Variants in SP140 observed in about 807,000 individuals in gnomAD.
SP140 encodes SP140 nuclear body protein.
SP140 carries 81 observed loss-of-function variants against 125.0 expected under a neutral mutation model. The observed-to-expected ratio is 0.65, with a 90% CI of 0.54 to 0.78. The LOEUF (loss-of-function observed/expected upper bound fraction) is 0.78. Ranked by LOEUF, SP140 falls within the 30% of genes least tolerant of loss-of-function variation. The pLI, the probability that SP140 is intolerant of heterozygous loss-of-function variation, is 0.00. For synonymous variants in SP140, 312 were observed against 354.0 expected, an observed-to-expected ratio of 0.88 and a Z score of 1.33; for missense variants, 858 against 1,037.0, an observed-to-expected ratio of 0.83 and a Z score of 2.37.
intron 12 of SP140, among the ~76,000 whole-genome samples, chr2:230,267,898 G>A (rs2149337873): frequency 6.6e-6 from 1 of 152,166 alleles, no homozygotes; most frequent in East Asian, 1.9e-4. Context: ...TTTTGATGAG[G>A]GACCCAAGAA....
intron 21 of SP140, among the ~76,000 whole-genome samples, chr2:230,296,691 G>A (rs2057767400): frequency 6.6e-6 from 1 of 152,188 alleles, no homozygotes; most frequent in African/African-American, 2.4e-5. Context: ...AGGACTCTGA[G>A]TCCTGTGGTC....
intron 16 of SP140, 117 bp from the exon 17 acceptor site, chr2:230,285,635 C>A: frequency 2.5e-6 from 2 of 798,572 alleles, no homozygotes; most frequent in Non-Finnish European, 2.1e-6. Flanking sequence ...ATGCTCTGGA[C>A]ACCTGCTCGA....
chr2:230,205,325 T>A (rs574187863), intron 1 of SP140, among the ~76,000 whole-genome samples: 1 of 152,296 alleles, frequency 6.6e-6, no homozygotes, highest in South Asian at 2.1e-4. Context: ...TCTTTCTTCA[T>A]CATCACCAAC....
intron 6 of SP140, 52 bp downstream of exon 6, chr2:230,245,132 C>A: frequency 8.3e-7 from 1 of 1,198,554 alleles, no homozygotes; most frequent in Non-Finnish European, 1.2e-6. Context: ...TGGCCTATCT[C>A]TATGCAACCA....
At chr2:230,209,951 C>G (rs2044286679) in intron 1 of SP140, 1 of 1,607,142 alleles carries the variant, frequency 6.2e-7, no homozygotes. Flanking sequence ...TGAAGGTGTG[C>G]TGGACACCTC....
intron 12 of SP140, among the ~76,000 whole-genome samples, chr2:230,264,510 G>A (rs534190605): frequency 7.2e-5 from 11 of 152,162 alleles, no homozygotes; most frequent in Admixed American, 2.0e-4. Flanking sequence ...ATCCATTGCT[G>A]GTGAACTAGT....
Position 230,288,452 on chromosome 2 carries a change from ACTATCTTTCTTT to A in SP140, c.1720+489_1720+500del, listed in dbSNP as rs1247734985. ...GAAAGCAAGAGCATGAATTAGGCCA[ACTATCTTTCTTT>A]CTTTCTTTCTTTCTTTCTTTCTTTC... On this transcript the variant is annotated intron_variant, in intron 18 of 26. Coordinates refer to ENST00000392045, the MANE Select transcript of SP140 (RefSeq NM_007237.5). Among the ~76,000 whole-genome samples the A allele has an allele frequency of 1.1e-4, 15 of 141,678 alleles. 1 individual carries two copies. The highest frequency in any genetic ancestry group is 3.1e-4 in the African/African-American group (12 of 38,536). The allele number at this position is 141,678 out of a possible 152,430, so 92.9% of individuals were successfully genotyped here.
chr2:230,218,372 C>T (rs1005035045), intron 3 of SP140, among the ~76,000 whole-genome samples: 3 of 152,092 alleles, frequency 2.0e-5, no homozygotes, highest in Non-Finnish European at 2.9e-5. Context: ...AATCCGCAAT[C>T]GCATAGGAAA....
chr2:230,297,338 A>T, intron 21 of SP140, 83 bp from the exon 22 acceptor site: 2 of 1,498,330 alleles, frequency 1.3e-6, no homozygotes, highest in Non-Finnish European at 1.8e-6. Context: ...ATCCCTTCAA[A>T]GAATACTATT....
chr2:230,221,684 C>T, upstream of SP140: 1 of 1,535,378 alleles, frequency 6.5e-7, no homozygotes, highest in Non-Finnish European at 8.7e-7. Context: ...TTATTTTATG[C>T]AAATGTCACA....
chr2:230,272,258 G>A (rs2054040089), intron 15 of SP140, among the ~76,000 whole-genome samples: 1 of 152,086 alleles, frequency 6.6e-6, no homozygotes, highest in Admixed American at 6.5e-5. Flanking sequence ...GAATAGCAAA[G>A]GCAATCCTAA....
At chr2:230,284,558 GC>G in intron 16 of SP140, 147 bp downstream of exon 16, 2 of 611,530 alleles carry the variant, frequency 3.3e-6, no homozygotes, top group Non-Finnish European at 5.3e-6. Flanking sequence ...TGACAAAGAG[GC>G]CTGAGAATGC....
the SP140 span, among the ~76,000 whole-genome samples, chr2:230,192,984 A>C: frequency 3.3e-5 from 5 of 152,100 alleles, no homozygotes; most frequent in African/African-American, 1.2e-4. Flanking sequence ...TTGTTGTCTT[A>C]TCTCTTTTCT....
At chr2:230,263,561 G>C (rs566489235) in intron 12 of SP140, among the ~76,000 whole-genome samples, 1 of 152,122 alleles carries the variant, frequency 6.6e-6, no homozygotes, top group South Asian at 2.1e-4. Context: ...TTGTTTTATA[G>C]GTCCTGTGTG....
At chr2:230,286,698 TCCA>T (rs2056426062) in intron 17 of SP140, among the ~76,000 whole-genome samples, 1 of 152,200 alleles carries the variant, frequency 6.6e-6, no homozygotes, top group African/African-American at 2.4e-5. Context: ...CATAATCAGT[TCCA>T]CCAACTCTTT....
At chr2:230,225,675 G>T (rs2046224206), upstream of SP140, 5 of 677,770 alleles carry the variant, frequency 7.4e-6, no homozygotes, top group African/African-American at 3.5e-5. Flanking sequence ...ATGGAGATTG[G>T]GTGGAGGGAG....
At chr2:230,186,158 C>T in the SP140 span, 1 of 1,613,810 alleles carries the variant, frequency 6.2e-7, no homozygotes, top group South Asian at 1.1e-5. Context: ...ACCAAATAGA[C>T]TTGTGAATAG....
chr2:230,202,727 C>T (rs886055765), upstream of SP140: 6 of 1,613,974 alleles, frequency 3.7e-6, no homozygotes, highest in African/African-American at 6.7e-5. Flanking sequence ...ATGAGGCTGT[C>T]CCTGGACCAA....
At chr2:230,246,030 C>A in intron 7 of SP140, 90 bp downstream of exon 7, 1 of 734,766 alleles carries the variant, frequency 1.4e-6, no homozygotes, top group South Asian at 1.6e-5. Context: ...CCCATCTATT[C>A]ATGTATTCAT....
Sources: gnomAD v4.1 joint callset for allele counts (sites outside exome capture counted in the v4.1 genomes callset) on GRCh38, gnomAD v4.1.1 for gene constraint, MANE v1.5 for transcripts, NCBI Gene and HGNC (gene_info 2026-07-23, HGNC 2026-07-21) for gene names.